The following DDX46 variants were observed in gnomAD, a reference collection of about 807,000 sequenced individuals.
DDX46 encodes DEAD-box helicase 46.
Under a neutral mutation model 134.9 loss-of-function variants are expected in DDX46, and 30 were observed. The observed-to-expected ratio is 0.22, with a 90% CI of 0.17 to 0.30. DDX46 has a LOEUF of 0.30. DDX46 is among the 10% of genes least tolerant of loss of function. DDX46 has a pLI of 1.00. For synonymous variants in DDX46, 415 were observed against 404.1 expected, an observed-to-expected ratio of 1.03 and a Z score of -0.32; for missense variants, 622 against 1,248.7, an observed-to-expected ratio of 0.50 and a Z score of 7.56.
chr5:134,785,942 T>A (rs1754320122), intron 11 of DDX46, among the ~76,000 whole-genome samples: 1 of 151,752 alleles, frequency 6.6e-6, no homozygotes, highest in Non-Finnish European at 1.5e-5. Flanking sequence ...TCTGCCTCCC[T>A]GGTTCAAGCG....
At chr5:134,780,948 G>A in intron 6 of DDX46, 185 bp from the exon 7 acceptor site, 1 of 414,576 alleles carries the variant, frequency 2.4e-6, no homozygotes. Flanking sequence ...ACGAATCCTT[G>A]AGCCCAGAAA....
At chr5:134,809,844 A>C (rs1489418215) in intron 16 of DDX46, among the ~76,000 whole-genome samples, 1 of 152,026 alleles carries the variant, frequency 6.6e-6, no homozygotes, top group Non-Finnish European at 1.5e-5. Context: ...CCCTGTTTCT[A>C]CTAAAATAAA....
intron 21 of DDX46, among the ~76,000 whole-genome samples, chr5:134,825,566 G>A (rs752324187): frequency 1.3e-5 from 2 of 152,058 alleles, no homozygotes; most frequent in Non-Finnish European, 1.5e-5. Context: ...AAAAATACAC[G>A]GAATGATAAA....
At chr5:134,769,678 C>T (rs11951502) in intron 3 of DDX46, among the ~76,000 whole-genome samples, 1 of 151,652 alleles carries the variant, frequency 6.6e-6, no homozygotes, top group South Asian at 2.1e-4. Context: ...CCCTGAGTAG[C>T]TGGGATTACA....
At chr5:134,798,556 T>G (rs897336116) in intron 15 of DDX46, among the ~76,000 whole-genome samples, 1 of 152,218 alleles carries the variant, frequency 6.6e-6, no homozygotes, top group Non-Finnish European at 1.5e-5. Context: ...ATATTCACAA[T>G]GCTATAACCT....
At chr5:134,771,681 G>T (rs1753777303) in intron 4 of DDX46, among the ~76,000 whole-genome samples, 1 of 151,580 alleles carries the variant, frequency 6.6e-6, no homozygotes, top group Admixed American at 6.6e-5. Flanking sequence ...CAGCCTGGGT[G>T]ACAGAGCAAG....
chr5:134,807,575 A>G lies in DDX46; in HGVS notation c.1955-173A>G, dbSNP rs368636365. Among the ~76,000 whole-genome samples, 4 of 152,340 alleles carry G rather than the reference A, an allele frequency of 2.6e-5. No individual in the cohort carries two copies. The East Asian group carries it at 5.8e-4, about 22-fold the overall frequency. ...AAGACCAGAGTTGAAAGATTCATAA[A>G]TGAGTTAATAGCAATAACCTTTAAT... On this transcript the variant is annotated intron_variant, in intron 15 of 22. Transcript: ENST00000452510.
intron 4 of DDX46, among the ~76,000 whole-genome samples, chr5:134,771,536 C>CAA (rs74329372): frequency 9.5e-5 from 8 of 84,042 alleles, no homozygotes; most frequent in Admixed American, 4.0e-4. Flanking sequence ...ACTAAAAATA[C>CAA]AAAAAAAAAA....
chr5:134,780,087 GAA>G (rs1754085376), intron 6 of DDX46, among the ~76,000 whole-genome samples: 1 of 140,510 alleles, frequency 7.1e-6, no homozygotes, highest in Non-Finnish European at 1.5e-5. Context: ...GACTCAGTCT[GAA>G]AAAAATATAT....
intron 3 of DDX46, 70 bp from the exon 4 acceptor site, chr5:134,770,833 G>T: frequency 9.1e-5 from 96 of 1,056,302 alleles, no homozygotes; most frequent in Middle Eastern, 3.2e-4. Context: ...AAAAAAAAAA[G>T]TATTTAAAAA....
chr5:134,817,953 T>G (rs1434755223), intron 20 of DDX46, among the ~76,000 whole-genome samples: 5 of 132,718 alleles, frequency 3.8e-5, no homozygotes, highest in Non-Finnish European at 6.2e-5. Flanking sequence ...TGTTTGTTGT[T>G]TTTTTTTTTT....
At chr5:134,799,346 C>G (rs2150150623) in intron 15 of DDX46, among the ~76,000 whole-genome samples, 1 of 151,158 alleles carries the variant, frequency 6.6e-6, no homozygotes, top group East Asian at 1.9e-4. Context: ...CAGAGTCTCC[C>G]TATGCTGCCC....
intron 6 of DDX46, 47 bp downstream of exon 6, chr5:134,777,772 C>T (rs1254296258): frequency 6.4e-7 from 1 of 1,563,184 alleles, no homozygotes; most frequent in Non-Finnish European, 8.6e-7. Flanking sequence ...TCTTGGGTAA[C>T]TTGAGTTCTC....
chr5:134,795,626 G>C (rs1478042511), intron 14 of DDX46, among the ~76,000 whole-genome samples: 1 of 152,162 alleles, frequency 6.6e-6, no homozygotes, highest in African/African-American at 2.4e-5. Flanking sequence ...AGTATTTTGG[G>C]AGACCATGGT....
chr5:134,780,562 C>CTCAA lies in DDX46; in HGVS notation c.766-569_766-566dup, dbSNP rs1477232038. ...CTGGGTGACAAGAGCAAAACTTTATCTCAATAAATAAATAAATAAATAAAT... is the reference window on the plus strand; with the variant it reads ...CTGGGTGACAAGAGCAAAACTTTATCTCAATCAATAAATAAATAAATAAATAAAT... On this transcript the variant is annotated intron_variant, in intron 6 of 22. Coordinates refer to ENST00000452510, the MANE Select transcript of DDX46 (RefSeq NM_001300860.2). Among the ~76,000 whole-genome samples, 715 of 110,054 alleles carry CTCAA rather than the reference C, an allele frequency of 6.5e-3. 5 individuals carry two copies. The highest frequency in any genetic ancestry group is 0.022 in the African/African-American group (682 of 31,176). The allele number at this position is 110,054 out of a possible 152,430, so 72.2% of individuals were successfully genotyped here. A position where few individuals can be genotyped will look rare whatever the true frequency, so the allele number is the denominator to read the frequency against.
At chr5:134,816,150 T>A (rs1441627349) in intron 18 of DDX46, among the ~76,000 whole-genome samples, 1 of 152,216 alleles carries the variant, frequency 6.6e-6, no homozygotes, top group Non-Finnish European at 1.5e-5. Flanking sequence ...GGATGAAGTT[T>A]CTGGTCCTCT....
chr5:134,768,679 A>G lies in DDX46; in HGVS notation c.350+1619A>G, dbSNP rs59501643. ...CTAATTTGATTACATTAAAATTAAGAAATTTTATTCATTATGAGATGCCGT... is the reference window on the plus strand; with the variant it reads ...CTAATTTGATTACATTAAAATTAAGGAATTTTATTCATTATGAGATGCCGT... On this transcript the variant is annotated intron_variant, in intron 3 of 22. Coordinates refer to ENST00000452510, the MANE Select transcript of DDX46 (RefSeq NM_001300860.2). 8.4e-3 allele frequency among the ~76,000 whole-genome samples: 1,272 copies of G among 152,188 alleles called. 19 individuals are homozygous for G. Among genetic ancestry groups the G allele is most frequent in the African/African-American group, 0.028 (1,160 of 41,494 alleles).
chr5:134,793,663 C>T (rs1158594946), intron 13 of DDX46, among the ~76,000 whole-genome samples: 2 of 152,146 alleles, frequency 1.3e-5, no homozygotes, highest in Admixed American at 1.3e-4. Flanking sequence ...CCTTGACCTC[C>T]CAAAGTGCTG....
intron 5 of DDX46, among the ~76,000 whole-genome samples, chr5:134,775,094 A>T (rs1310986851): frequency 6.6e-6 from 1 of 152,072 alleles, no homozygotes; most frequent in East Asian, 1.9e-4. Flanking sequence ...TGCTGGGATT[A>T]CAGGCGTGAG....
Sources: allele counts gnomAD v4.1 joint callset (sites outside exome capture counted in the v4.1 genomes callset), GRCh38; gene constraint gnomAD v4.1.1; transcripts MANE v1.5; gene names NCBI Gene and HGNC (gene_info 2026-07-23, HGNC 2026-07-21).